Variants in LTBP4 observed in about 807,000 individuals in gnomAD.
LTBP4 encodes latent transforming growth factor beta binding protein 4.
A neutral mutation model predicts 180.2 loss-of-function variants in LTBP4; 93 were observed. The observed-to-expected ratio is 0.52, with a 90% CI of 0.44 to 0.61. LTBP4 has a LOEUF of 0.61. LTBP4 is among the 20% of genes least tolerant of loss of function. The probability of loss-of-function intolerance (pLI) is 0.00; values close to 1 mark genes in which losing one functional copy is unlikely to be tolerated. For missense variants in LTBP4, 2,116 were observed against 2,256.5 expected, an observed-to-expected ratio of 0.94 and a Z score of 1.26; for synonymous variants, 947 against 934.5, an observed-to-expected ratio of 1.01 and a Z score of -0.24.
chr19:40,603,661 G>GACCC (rs2081438815), intron 1 of LTBP4, among the ~76,000 whole-genome samples: 1 of 152,202 alleles, frequency 6.6e-6, no homozygotes, highest in Non-Finnish European at 1.5e-5. Flanking sequence ...AACGGAGGTG[G>GACCC]CTCTCTGCGT....
upstream of LTBP4, among the ~76,000 whole-genome samples, chr19:40,600,426 C>T (rs913256145): frequency 6.6e-6 from 1 of 152,216 alleles, no homozygotes; most frequent in South Asian, 2.1e-4. This position sits in a 1 kb window ranked among gnomAD's most constrained non-coding sequence, Gnocchi z 4.4. Context: ...CCGGGCTCCC[C>T]GCGGCCGAAG....
intron 1 of LTBP4, among the ~76,000 whole-genome samples, chr19:40,603,874 C>T (rs1017744666): frequency 6.6e-6 from 1 of 152,234 alleles, no homozygotes; most frequent in African/African-American, 2.4e-5. Context: ...GTGGAGCCTC[C>T]GCCCTGCCCC....
chr19:40,614,170 C>G (rs2081529973), intron 18 of LTBP4, 132 bp downstream of exon 18: 3 of 1,439,680 alleles, frequency 2.1e-6, no homozygotes, highest in Non-Finnish European at 2.8e-6. Flanking sequence ...CTCTCCTAGC[C>G]TCCCCAACTC....
chr19:40,594,229 C>T (rs1376698814), intron 1 of LTBP4, among the ~76,000 whole-genome samples: 1 of 145,710 alleles, frequency 6.9e-6, no homozygotes, highest in African/African-American at 2.6e-5. Flanking sequence ...AGTATTAACT[C>T]TGTGTGTTTT....
At position 40,609,497 on chromosome 19, in the gene LTBP4, G is replaced by A; in HGVS notation, c.1427-33G>A. The A allele has an allele frequency of 6.2e-7, 1 of 1,605,186 alleles. No individual in the cohort carries two copies. Among genetic ancestry groups the A allele is most frequent in the Non-Finnish European group, 8.5e-7 (1 of 1,173,606 alleles). On this transcript the variant is annotated intron_variant, in intron 9 of 29. Transcript: ENST00000396819. The surrounding 1 kb of genome is among the most constrained non-coding windows in gnomAD (Gnocchi z 4.9). ...GGATGAAAGGAACGGAGGATTCAGA[G>A]ATGGGGGAACCCTGGCTGACTGGAC...
At position 40,613,688 on chromosome 19, in the gene LTBP4, G is replaced by C; in HGVS notation, c.2557+159G>C. The stretch of plus-strand genomic sequence containing the variant: ...GTGGGAGTCTCGAGGCAGTGAGGGG[G>C]GGCGGGGCGTGGAGATGAAAGGGCC... On this transcript the variant is annotated intron_variant, in intron 17 of 29. Transcript: ENST00000396819. This position sits in a 1 kb window ranked among gnomAD's most constrained non-coding sequence, Gnocchi z 5.0. The C allele has an allele frequency of 7.8e-7, 1 of 1,285,814 alleles. No homozygotes were observed. Among genetic ancestry groups the C allele is most frequent in the South Asian group, 1.3e-5 (1 of 76,702 alleles). 79.7% of individuals were successfully genotyped at this position (1,285,814 alleles called of 1,614,324 possible).
chr19:40,625,304 A>T (rs376685956), intron 26 of LTBP4, among the ~76,000 whole-genome samples: 4,469 of 13,432 alleles, frequency 0.33, 1,251 homozygotes, highest in African/African-American at 0.65. Flanking sequence ...ATATATATAT[A>T]TATATATATA....
intron 22 of LTBP4, 132 bp downstream of exon 22, chr19:40,619,625 A>G: frequency 2.0e-6 from 2 of 1,012,458 alleles, no homozygotes; most frequent in Non-Finnish European, 2.8e-6. Flanking sequence ...AAGACACATA[A>G]GTTAACATGG....
At chr19:40,625,252 TTATATATATATA>T (rs71173663) in intron 26 of LTBP4, among the ~76,000 whole-genome samples, 15 of 44,024 alleles carry the variant, frequency 3.4e-4, no homozygotes, top group Admixed American at 7.0e-4. Flanking sequence ...ATTTTTGTAT[TTATATATATATA>T]TATATATATA....
At chr19:40,616,795 G>C in intron 19 of LTBP4, 94 bp from the exon 20 acceptor site, 1 of 1,434,960 alleles carries the variant, frequency 7.0e-7, no homozygotes, top group Non-Finnish European at 9.6e-7. Flanking sequence ...ATACCAGATT[G>C]CTAAAGACTT....
chr19:40,605,585 C>A lies in LTBP4; in HGVS notation c.623C>A (p.Pro208Gln), dbSNP rs905989797. 6 of 1,601,438 alleles carry A rather than the reference C, an allele frequency of 3.7e-6. No individual in the cohort carries two copies. The highest frequency in any genetic ancestry group is 4.3e-6 in the Non-Finnish European group (5 of 1,174,214). Reference protein sequence around the residue: ...APYTVLAQSAPREDGYSDASG... With the variant: ...APYTVLAQSAQREDGYSDASG... ...TACACGGTGTTGGCACAGAGCGCGC[C>A]GCGGGAGGACGGCTACTCAGATGCC... Residue 208 changes from proline (P) to glutamine (Q), a missense_variant, in exon 3 of 30, where the codon CCG becomes CAG. Around this residue, in one of 5 missense-constraint regions of LTBP4, gnomAD observed 469 missense variants for 532.5 expected, o/e 0.88. Transcript: ENST00000396819. The surrounding 1 kb of genome is among the most constrained non-coding windows in gnomAD (Gnocchi z 5.5).
chr19:40,595,705 T>G lies in LTBP4; in HGVS notation c.16+2524T>G, dbSNP rs1438579904. 3.9e-5 allele frequency among the ~76,000 whole-genome samples: 6 copies of G among 152,008 alleles called. No individual in the cohort carries two copies. In the East Asian group the frequency reaches 1.2e-3, roughly 29 times the overall value. On this transcript the variant is annotated intron_variant, in intron 1 of 32. Transcript: ENST00000204005. ...TTAGGCAAGGAAGGGATCGGTACTC[T>G]CTTTTATATAGTTTTATGTATTTAT...
At position 40,614,362 on chromosome 19, in the gene LTBP4, C is replaced by T; in HGVS notation, c.2728C>T (p.Arg910Cys). The T allele has an allele frequency of 6.2e-7, 1 of 1,600,546 alleles. No individual in the cohort carries two copies. The highest frequency in any genetic ancestry group is 8.5e-7 in the Non-Finnish European group (1 of 1,179,800). The stretch of plus-strand genomic sequence containing the variant: ...AGGCCCAGCCCTGTGCGGGTCGCAG[C>T]GCTGTGAGAACTCTCCCGGCTCCTA... The part of the protein sequence containing the change: ...ERGPALCGSQ[R>C]CENSPGSYRC... Residue 910 changes from arginine to cysteine, a missense_variant, in exon 19 of 30, where the codon CGC (arginine) becomes TGC (cysteine). Physicochemically the swap from Arg to Cys is radical, Grantham distance 180. Around this residue, in one of 5 missense-constraint regions of LTBP4, gnomAD observed 877 missense variants for 873.6 expected, o/e 1.00. Transcript: ENST00000396819.
intron 1 of LTBP4, among the ~76,000 whole-genome samples, chr19:40,602,976 TA>T (rs2081434828): frequency 6.6e-6 from 1 of 152,080 alleles, no homozygotes; most frequent in African/African-American, 2.4e-5. Flanking sequence ...ACTACTCAAT[TA>T]AAAGCCCCCA....
intron 1 of LTBP4, among the ~76,000 whole-genome samples, chr19:40,604,394 T>G (rs1253616450): frequency 6.6e-6 from 1 of 151,898 alleles, no homozygotes; most frequent in African/African-American, 2.4e-5. Context: ...AAAATGTGGT[T>G]TGAGTCAATG....
At position 40,626,280 on chromosome 19, in the gene LTBP4, G is replaced by A. The variant is rs532586130; in HGVS notation, c.3985+271G>A. ...TGAGGTCTGGTCTCTCATATGCTCA[G>A]CTCCTGGTCTCTAGAACCACCAGAC... On this transcript the variant is annotated intron_variant, in intron 27 of 29. Transcript: ENST00000396819. 1.2e-4 allele frequency among the ~76,000 whole-genome samples: 19 copies of A among 152,156 alleles called. No individual in the cohort carries two copies. The South Asian group carries it at 3.7e-3, about 30-fold the overall frequency.
chr19:40,623,673 G>A lies in LTBP4; in HGVS notation c.3626G>A (p.Gly1209Asp). The A allele has an allele frequency of 5.0e-6, 8 of 1,613,880 alleles. No homozygotes were observed. Among genetic ancestry groups the A allele is most frequent in the Non-Finnish European group, 5.9e-6 (7 of 1,179,870 alleles). The change falls in exon 25 of 30, where the codon GGC becomes GAC. Residue 1209 changes from glycine to aspartate, a missense_variant. Physicochemically the swap from Gly to Asp is moderately conservative, Grantham distance 94. Coordinates refer to ENST00000396819, the MANE Select transcript of LTBP4 (RefSeq NM_001042545.2). ...GGCGTGTGTGTGAACACGGCCCCGGGCTACTCATGCTATTGCAGCAACGGC... is the reference window on the plus strand; with the variant it reads ...GGCGTGTGTGTGAACACGGCCCCGGACTACTCATGCTATTGCAGCAACGGC... ...KSGVCVNTAP[G>D]YSCYCSNGYY...
Position 40,601,484 on chromosome 19 carries a change from C to T in LTBP4, c.97C>T (p.Arg33Cys). The part of the protein sequence containing the change: ...PGLGRLGERL[R>C]VRFTPVVCGL... ...ACTGGGCCGGCTCGGAGAGCGTCTC[C>T]GCGTGCGCTTCACCCCGGTCGTGTG... Residue 33 changes from arginine to cysteine, a missense_variant, in exon 1 of 30, where the codon CGC becomes TGC. By Grantham distance (180) the Arg-to-Cys change is radical (BLOSUM62 -3). Around this residue, in one of 5 missense-constraint regions of LTBP4, gnomAD observed 469 missense variants for 532.5 expected, o/e 0.88. Transcript: ENST00000396819. 2.7e-6 allele frequency: 4 copies of T among 1,494,920 alleles called. No homozygotes were observed. In the South Asian group the frequency reaches 3.8e-5, roughly 14 times the overall value. 92.6% of individuals were successfully genotyped at this position (1,494,920 alleles called of 1,614,324 possible). A position where few individuals can be genotyped will look rare whatever the true frequency, so the allele number is the denominator to read the frequency against.
In LTBP4 at chr19:40,606,050, T is replaced by C. The variant is rs192817364; in HGVS notation, c.794-183T>C. 2.6e-3 allele frequency among the ~76,000 whole-genome samples: 389 copies of C among 152,346 alleles called. 2 individuals are homozygous for C. The highest frequency in any genetic ancestry group is 3.7e-3 in the Admixed American group (56 of 15,310). On this transcript the variant is annotated intron_variant, in intron 4 of 29. Transcript: ENST00000396819. ...CTGTTCTCACCCTGCCTTTGTGCCT[T>C]GGCCCCCCACCATATACTTTGGGAG...
Sources: allele counts gnomAD v4.1 joint callset (sites outside exome capture counted in the v4.1 genomes callset), GRCh38; gene constraint gnomAD v4.1.1; regional missense constraint gnomAD v4.1.1; non-coding constraint Gnocchi (gnomAD v3.1); transcripts MANE v1.5; gene names NCBI Gene and HGNC (gene_info 2026-07-23, HGNC 2026-07-21).